AGPAT3: variants seen among roughly 807,000 people sequenced by gnomAD.
The protein encoded by AGPAT3 is 1-acyl-sn-glycerol-3-phosphate acyltransferase gamma.
In AGPAT3, 5 loss-of-function variants were observed where a neutral mutation model predicts 47.3. The ratio of observed to expected loss-of-function variants is 0.11; its 90% CI spans 0.06 to 0.22. AGPAT3 has a LOEUF of 0.22. Ranked by LOEUF, AGPAT3 falls within the 10% of genes least tolerant of loss-of-function variation. AGPAT3 has a pLI of 1.00. For missense variants in AGPAT3, 315 were observed against 493.0 expected, an observed-to-expected ratio of 0.64 and a Z score of 3.42; for synonymous variants, 212 against 208.3, an observed-to-expected ratio of 1.02 and a Z score of -0.15.
intron 2 of AGPAT3, among the ~76,000 whole-genome samples, chr21:43,909,247 C>T (rs2086573192): frequency 6.6e-6 from 1 of 151,796 alleles, no homozygotes; most frequent in Admixed American, 6.6e-5. Context: ...CCCTTCACGG[C>T]AGGCAGTGGA....
intron 1 of AGPAT3, among the ~76,000 whole-genome samples, chr21:43,879,347 CAAAAAAAAAAA>C (rs34630760): frequency 1.3e-4 from 9 of 71,670 alleles, no homozygotes; most frequent in Non-Finnish European, 8.0e-5. Flanking sequence ...GACTCTATCT[CAAAAAAAAAAA>C]AAAAAAAAAA....
At chr21:43,924,605 G>A (rs574516092) in intron 2 of AGPAT3, among the ~76,000 whole-genome samples, 3 of 152,340 alleles carry the variant, frequency 2.0e-5, no homozygotes, top group East Asian at 1.9e-4. Flanking sequence ...CTGCCATGCC[G>A]CAGAGACCCT....
Position 43,984,780 on chromosome 21 carries a change from C to T in AGPAT3, c.*2388C>T. The T allele has an allele frequency of 5.3e-6, 1 of 189,014 alleles. No homozygotes were observed. Among genetic ancestry groups the T allele is most frequent in the Non-Finnish European group, 1.1e-5 (1 of 88,586 alleles). 11.7% of individuals were successfully genotyped at this position (189,014 alleles called of 1,614,324 possible). A position where few individuals can be genotyped will look rare whatever the true frequency, so the allele number is the denominator to read the frequency against. ...CATTTTTTAAATTAAATTCATAAAT[C>T]CCAGAACAGTCTTTTTTTTTTCTTT... is the stretch of plus-strand genomic sequence containing the variant. On this transcript the variant is annotated 3_prime_UTR_variant, in exon 10 of 10. Transcript: ENST00000291572.
At chr21:43,958,445 G>C (rs1035975935) in intron 2 of AGPAT3, among the ~76,000 whole-genome samples, 3 of 151,936 alleles carry the variant, frequency 2.0e-5, no homozygotes, top group Non-Finnish European at 4.4e-5. Context: ...TGTGTGGTTT[G>C]TGCTACAGTG....
At chr21:43,959,608 C>T (rs749784776) in intron 2 of AGPAT3, 26 bp from the exon 3 acceptor site, 21 of 1,597,250 alleles carry the variant, frequency 1.3e-5, no homozygotes, top group East Asian at 2.2e-5. Flanking sequence ...GCCACCCTGA[C>T]GCTGTCCCTG....
At chr21:43,926,903 C>G (rs2087073068) in intron 2 of AGPAT3, among the ~76,000 whole-genome samples, 1 of 148,108 alleles carries the variant, frequency 6.8e-6, no homozygotes, top group African/African-American at 2.5e-5. Context: ...TGCTTGAACC[C>G]AGGAGGTGGA....
rs887151699 is a variant in AGPAT3 at position 43,952,999 on chromosome 21, G to A, written c.-48-6635G>A. On this transcript the variant is annotated intron_variant, in intron 2 of 9. Coordinates refer to ENST00000291572, the MANE Select transcript of AGPAT3 (RefSeq NM_020132.5). The surrounding 1 kb of genome is among the most constrained non-coding windows in gnomAD (Gnocchi z 5.6). ...ACCAAGTGAGGCGAGGTTCCACATC[G>A]CCGGCCAAGTGGCTTTATGGGCCTC... Among the ~76,000 whole-genome samples, 2 of 152,208 alleles carry A rather than the reference G, an allele frequency of 1.3e-5. No homozygotes were observed. The highest frequency in any genetic ancestry group is 2.4e-5 in the African/African-American group (1 of 41,460).
chr21:43,868,105 T>A (rs1323906102), intron 1 of AGPAT3, among the ~76,000 whole-genome samples: 3 of 152,218 alleles, frequency 2.0e-5, no homozygotes, highest in African/African-American at 7.2e-5. Flanking sequence ...TCAAGCAAAG[T>A]GCAGGAGACA....
chr21:43,976,652 T>C (rs2089633757), intron 7 of AGPAT3, among the ~76,000 whole-genome samples: 1 of 152,222 alleles, frequency 6.6e-6, no homozygotes, highest in Non-Finnish European at 1.5e-5. Context: ...TATCAGTGTT[T>C]TTAATTTTAT....
chr21:43,955,031 T>C lies in AGPAT3; in HGVS notation c.-48-4603T>C, dbSNP rs896592415. On this transcript the variant is annotated intron_variant, in intron 2 of 9. Coordinates refer to ENST00000291572, the MANE Select transcript of AGPAT3 (RefSeq NM_020132.5). This position sits in a 1 kb window ranked among gnomAD's most constrained non-coding sequence, Gnocchi z 4.1. ...ATCCACACAGAGGCTGGGACGTGAA[T>C]GTGCATCACGGCTCTATCTGTGGCC... 2.6e-6 allele frequency: 3 copies of C among 1,176,018 alleles called. No individual in the cohort carries two copies. The African/African-American group carries it at 4.8e-5, about 19-fold the overall frequency. The allele number at this position is 1,176,018 out of a possible 1,614,324, so 72.8% of individuals were successfully genotyped here.
chr21:43,953,396 A>G (rs1601406582), intron 2 of AGPAT3, among the ~76,000 whole-genome samples: 1 of 152,258 alleles, frequency 6.6e-6, no homozygotes, highest in Non-Finnish European at 1.5e-5. Flanking sequence ...GATTCGTAGG[A>G]GATGTGGACG....
intron 2 of AGPAT3, among the ~76,000 whole-genome samples, chr21:43,929,353 G>T (rs2087164392): frequency 6.6e-6 from 1 of 152,216 alleles, no homozygotes; most frequent in African/African-American, 2.4e-5. Flanking sequence ...ATGTGGATTG[G>T]AAGGACACTC....
At chr21:43,929,581 CG>C (rs1335976529) in intron 2 of AGPAT3, among the ~76,000 whole-genome samples, 1 of 152,252 alleles carries the variant, frequency 6.6e-6, no homozygotes, top group Non-Finnish European at 1.5e-5. Flanking sequence ...CCACCTCCCC[CG>C]GTCGCCGCTG....
chr21:43,902,050 C>T (rs1254923722), intron 1 of AGPAT3, among the ~76,000 whole-genome samples: 1 of 152,114 alleles, frequency 6.6e-6, no homozygotes, highest in East Asian at 1.9e-4. Context: ...TGATGAAACT[C>T]ATCCCGAAGA....
intron 2 of AGPAT3, among the ~76,000 whole-genome samples, chr21:43,937,631 G>C (rs1053491398): frequency 3.7e-4 from 56 of 152,148 alleles, no homozygotes; most frequent in African/African-American, 1.3e-3. Context: ...TGGCGCAATC[G>C]TGGCTCACTG....
chr21:43,909,353 T>C (rs2086578908), intron 2 of AGPAT3, among the ~76,000 whole-genome samples: 1 of 148,368 alleles, frequency 6.7e-6, no homozygotes, highest in Non-Finnish European at 1.5e-5. Flanking sequence ...CGGAGTGTGG[T>C]GGCGTGATCT....
intron 2 of AGPAT3, among the ~76,000 whole-genome samples, chr21:43,945,739 C>T (rs985036343): frequency 2.6e-5 from 4 of 152,196 alleles, no homozygotes; most frequent in African/African-American, 4.8e-5. Context: ...TTTTCAAGTC[C>T]GTGCCTCAGG....
chr21:43,969,104 T>G lies in AGPAT3; in HGVS notation c.349-14T>G. The G allele has an allele frequency of 6.2e-7, 1 of 1,613,552 alleles. No individual in the cohort carries two copies. The highest frequency in any genetic ancestry group is 1.3e-5 in the African/African-American group (1 of 75,016). ...CGCTGAAGTGCCAGGTGCCCCTCCT[T>G]CTCCTCCCTCCAGAGCTCCAAGGTC... On this transcript the variant is annotated splice_polypyrimidine_tract_variant and intron_variant, in intron 4 of 9. Transcript: ENST00000291572.
intron 1 of AGPAT3, among the ~76,000 whole-genome samples, chr21:43,887,323 A>G (rs2086002043): frequency 6.6e-6 from 1 of 152,172 alleles, no homozygotes; most frequent in Non-Finnish European, 1.5e-5. Flanking sequence ...AAACAACCAA[A>G]TGCAGCCTAG....
Sources: gnomAD v4.1 joint callset for allele counts (sites outside exome capture counted in the v4.1 genomes callset) on GRCh38, gnomAD v4.1.1 for gene constraint, Gnocchi (gnomAD v3.1) non-coding constraint, MANE v1.5 for transcripts, NCBI Gene and HGNC (gene_info 2026-07-23, HGNC 2026-07-21) for gene names.